FBXL4: variants seen among roughly 807,000 people sequenced by gnomAD.
FBXL4 encodes the protein F-box and leucine rich repeat protein 4.
FBXL4 carries 40 observed loss-of-function variants against 58.9 expected under a neutral mutation model. That is an observed-to-expected ratio of 0.68 (90% CI 0.53 to 0.88). The LOEUF (loss-of-function observed/expected upper bound fraction) is 0.88. Ranked by LOEUF, FBXL4 falls within the 40% of genes least tolerant of loss-of-function variation. The pLI, the probability that FBXL4 is intolerant of heterozygous loss-of-function variation, is 0.00. For synonymous variants in FBXL4, 263 were observed against 265.5 expected (o/e 0.99, Z 0.09); for missense variants, 676 against 734.4 (o/e 0.92, Z 0.92).
intron 1 of FBXL4, among the ~76,000 whole-genome samples, chr6:98,946,843 G>A (rs1773637834): frequency 6.6e-6 from 1 of 152,176 alleles, no homozygotes; most frequent in South Asian, 2.1e-4. Flanking sequence ...TTGGAGCGCT[G>A]ATGACTCTGG....
In FBXL4 at chr6:98,873,518, T is replaced by C. The variant is rs1017340938; in HGVS notation, c.*760A>G. 1 of 152,020 alleles carries C rather than the reference T, an allele frequency of 6.6e-6. No homozygotes were observed. The highest frequency in any genetic ancestry group is 1.5e-5 in the Non-Finnish European group (1 of 68,002). 9.4% of individuals were successfully genotyped at this position (152,020 alleles called of 1,614,324 possible). A position where few individuals can be genotyped will look rare whatever the true frequency, so the allele number is the denominator to read the frequency against. ...CTTATTCTTGATTATACCCAAATTT[T>C]TATATTGGCATTATCCAGTAGTGAA... On this transcript the variant is annotated 3_prime_UTR_variant, in exon 10 of 10. Coordinates refer to ENST00000369244, the MANE Select transcript of FBXL4 (RefSeq NM_001278716.2).
intron 1 of FBXL4, among the ~76,000 whole-genome samples, chr6:98,936,292 G>T (rs1306476118): frequency 1.3e-5 from 2 of 152,132 alleles, no homozygotes; most frequent in Non-Finnish European, 2.9e-5. Flanking sequence ...TAGCCTAAAA[G>T]GATCCCTGGT....
intron 5 of FBXL4, among the ~76,000 whole-genome samples, chr6:98,917,039 AAGTT>A (rs930049418): frequency 2.0e-5 from 3 of 152,072 alleles, no homozygotes; most frequent in Admixed American, 2.0e-4. Context: ...AACTAATAAA[AAGTT>A]AAGCATGTAT....
Position 98,874,079 on chromosome 6 carries a change from G to T in FBXL4, c.*199C>A. The T allele has an allele frequency of 2.3e-6, 1 of 436,894 alleles. No individual in the cohort carries two copies. Among genetic ancestry groups the T allele is most frequent in the Non-Finnish European group, 4.0e-6 (1 of 250,360 alleles). 27.1% of individuals were successfully genotyped at this position (436,894 alleles called of 1,614,324 possible). A position where few individuals can be genotyped will look rare whatever the true frequency, so the allele number is the denominator to read the frequency against. ...AAAAATAATATCCACTCATATTCTT[G>T]AAGAGAAGTGCTTGCAGTATTTTAT... On this transcript the variant is annotated 3_prime_UTR_variant, in exon 10 of 10. Transcript: ENST00000369244.
In FBXL4 at chr6:98,869,823, C is replaced by G. The variant is rs1770447531; in HGVS notation, c.*4455G>C. ...AGTTTTTCTCTGCTACATATTGGCT[C>G]AAAAGTAAGCACCTGAATATTAATT... On this transcript the variant is annotated 3_prime_UTR_variant, in exon 10 of 10. Coordinates refer to ENST00000369244, the MANE Select transcript of FBXL4 (RefSeq NM_001278716.2). 1 of 152,080 alleles carries G rather than the reference C, an allele frequency of 6.6e-6. No homozygotes were observed. 9.4% of individuals were successfully genotyped at this position (152,080 alleles called of 1,614,324 possible).
intron 1 of FBXL4, among the ~76,000 whole-genome samples, chr6:98,937,062 C>A (rs1463534895): frequency 6.6e-6 from 1 of 152,168 alleles, no homozygotes; most frequent in African/African-American, 2.4e-5. Flanking sequence ...GTAATCCCAG[C>A]ATTTTGGGAA....
At chr6:98,923,028 A>G (rs1010930654) in intron 4 of FBXL4, among the ~76,000 whole-genome samples, 5 of 152,114 alleles carry the variant, frequency 3.3e-5, no homozygotes, top group African/African-American at 1.2e-4. Context: ...AAGGGTTTAC[A>G]CTTACAACCT....
rs138603925 is a variant in FBXL4 at position 98,922,116 on chromosome 6, C to T, written c.512+4361G>A. 4.4e-3 allele frequency among the ~76,000 whole-genome samples: 670 copies of T among 152,192 alleles called. 6 individuals are homozygous for T. Among genetic ancestry groups the T allele is most frequent in the African/African-American group, 0.015 (643 of 41,516 alleles). ...CTAATTTTTGTGTTTTTAGTAGAGA[C>T]GGGGTTTCACCATGTTGGCCAGGCT... On this transcript the variant is annotated intron_variant, in intron 4 of 9. Coordinates refer to ENST00000369244, the MANE Select transcript of FBXL4 (RefSeq NM_001278716.2).
intron 5 of FBXL4, among the ~76,000 whole-genome samples, chr6:98,909,548 G>A (rs1384869437): frequency 2.0e-5 from 3 of 152,086 alleles, no homozygotes; most frequent in Admixed American, 1.3e-4. Context: ...TATCAGGTCT[G>A]GATAAAATTC....
chr6:98,920,815 CACAT>C (rs966585754), intron 4 of FBXL4, among the ~76,000 whole-genome samples: 4 of 119,104 alleles, frequency 3.4e-5, no homozygotes, highest in South Asian at 5.7e-4. Context: ...TGGGTACACA[CACAT>C]ACACACACAC....
At chr6:98,905,397 A>T (rs189497833) in intron 6 of FBXL4, 29 bp downstream of exon 6, 1 of 1,604,066 alleles carries the variant, frequency 6.2e-7, no homozygotes, top group African/African-American at 1.3e-5. Flanking sequence ...CTGGGGGGGA[A>T]AAAAACTTCA....
Position 98,905,546 on chromosome 6 carries a change from T to C in FBXL4, c.983A>G (p.Tyr328Cys), listed in dbSNP as rs1771774121. 1 of 1,613,992 alleles carries C rather than the reference T, an allele frequency of 6.2e-7. No homozygotes were observed. Among genetic ancestry groups the C allele is most frequent in the Admixed American group, 1.7e-5 (1 of 60,000 alleles). Residue 328 changes from tyrosine to cysteine, a missense_variant, in exon 6 of 10, where the codon TAC (tyrosine) becomes TGC (cysteine). Transcript: ENST00000369244. ...LQYIHLNLQP[Y>C]WAKLDDTSLE... ...AGAAGTGTCATCTAGTTTTGCCCAG[T>C]ATGGTTGCAGATTGAGGTGGATGTA...
chr6:98,938,682 G>A (rs1298799861), intron 1 of FBXL4, among the ~76,000 whole-genome samples: 1 of 152,164 alleles, frequency 6.6e-6, no homozygotes, highest in African/African-American at 2.4e-5. Context: ...ACCAGAGTTA[G>A]TCTATCCCTT....
chr6:98,906,436 C>T (rs922882877), intron 5 of FBXL4, among the ~76,000 whole-genome samples: 2 of 150,508 alleles, frequency 1.3e-5, no homozygotes, highest in African/African-American at 4.9e-5. Context: ...GTTGTCTGTT[C>T]CTGTGTTAGT....
intron 3 of FBXL4, among the ~76,000 whole-genome samples, 195 bp downstream of exon 3, chr6:98,927,510 C>G (rs972257471): frequency 6.6e-6 from 1 of 152,188 alleles, no homozygotes; most frequent in Non-Finnish European, 1.5e-5. Context: ...TTCAAACATA[C>G]AGAATTCAGA....
At chr6:98,939,269 G>C (rs556684500) in intron 1 of FBXL4, among the ~76,000 whole-genome samples, 3 of 152,164 alleles carry the variant, frequency 2.0e-5, no homozygotes, top group African/African-American at 7.2e-5. Context: ...TTGAACAGTA[G>C]CAGCTGCTTT....
intron 6 of FBXL4, among the ~76,000 whole-genome samples, chr6:98,902,974 T>C (rs974795080): frequency 3.3e-5 from 5 of 152,158 alleles, no homozygotes; most frequent in African/African-American, 4.8e-5. Flanking sequence ...TTCTGAATAA[T>C]AACAATTCTT....
chr6:98,910,450 G>C (rs960523005), intron 5 of FBXL4, among the ~76,000 whole-genome samples: 2 of 151,788 alleles, frequency 1.3e-5, no homozygotes, highest in Admixed American at 1.3e-4. Flanking sequence ...TCAGGAGATC[G>C]AGACAATACT....
intron 1 of FBXL4, among the ~76,000 whole-genome samples, chr6:98,936,387 A>T (rs1236158710): frequency 4.6e-5 from 7 of 152,170 alleles, no homozygotes; most frequent in Non-Finnish European, 7.4e-5. Context: ...TTCCAGAATT[A>T]TATGAAAGTG....
Sources: gnomAD v4.1 joint callset for allele counts (sites outside exome capture counted in the v4.1 genomes callset) on GRCh38, gnomAD v4.1.1 for gene constraint, MANE v1.5 for transcripts, NCBI Gene and HGNC (gene_info 2026-07-23, HGNC 2026-07-21) for gene names.